PRMT8: variants seen among roughly 807,000 people sequenced by gnomAD.
The protein encoded by PRMT8 is protein arginine N-methyltransferase 8.
PRMT8 carries 7 observed loss-of-function variants against 47.1 expected under a neutral mutation model. The ratio of observed to expected loss-of-function variants is 0.15; its 90% confidence interval spans 0.08 to 0.28. The LOEUF (loss-of-function observed/expected upper bound fraction) is 0.28, where lower values mean the gene tolerates loss of function less well. Ranked by LOEUF, PRMT8 falls within the 10% of genes least tolerant of loss-of-function variation. The probability of loss-of-function intolerance (pLI) is 1.00; values close to 1 mark genes in which losing one functional copy is unlikely to be tolerated. For missense variants in PRMT8, 237 were observed against 505.4 expected (o/e 0.47, Z 5.09); for synonymous variants, 188 against 186.5 (o/e 1.01, Z -0.07).
At chr12:3,470,436 G>A (rs1591559716) in intron 1 of PRMT8, among the ~76,000 whole-genome samples, 1 of 152,162 alleles carries the variant, frequency 6.6e-6, no homozygotes, top group African/African-American at 2.4e-5. Flanking sequence ...AGGGGATGTG[G>A]TGAGGGCTCT....
Position 3,583,165 on chromosome 12 carries a change from T to C in PRMT8, c.936T>C (p.Asn312=). 6.2e-7 allele frequency: 1 copy of C among 1,613,836 alleles called. No homozygotes were observed. The highest frequency in any genetic ancestry group is 8.5e-7 in the Non-Finnish European group (1 of 1,179,862). ...DYVHALVTYF[N]IEFTKCHKKM... is the part of the protein sequence containing the mutation. ...TCCACGCCCTGGTCACCTATTTTAA[T>C]ATTGAATTTACCAAGTGCCACAAGA... Residue 312 remains asparagine, a synonymous_variant, in exon 8 of 10, where the codon AAT becomes AAC. Coordinates refer to ENST00000382622, the MANE Select transcript of PRMT8 (RefSeq NM_019854.5). This position sits in a 1 kb window ranked among gnomAD's most constrained non-coding sequence, Gnocchi z 4.7.
chr12:3,585,612 A>G (rs1867155651), intron 8 of PRMT8, among the ~76,000 whole-genome samples: 1 of 151,632 alleles, frequency 6.6e-6, no homozygotes, highest in South Asian at 2.1e-4. Flanking sequence ...ACCTATGGAA[A>G]GAGAGGGCAA....
upstream of PRMT8, among the ~76,000 whole-genome samples, chr12:3,490,961 C>G (rs1240125435): frequency 6.6e-6 from 1 of 152,062 alleles, no homozygotes; most frequent in African/African-American, 2.4e-5. Context: ...TGAGAACCTG[C>G]AAGAGCCTCG....
Position 3,593,466 on chromosome 12 carries a change from C to A in PRMT8, c.*284C>A. 1 of 416,900 alleles carries A rather than the reference C, an allele frequency of 2.4e-6. No individual in the cohort carries two copies. 25.8% of individuals were successfully genotyped at this position (416,900 alleles called of 1,614,324 possible). A position where few individuals can be genotyped will look rare whatever the true frequency, so the allele number is the denominator to read the frequency against. The stretch of plus-strand genomic sequence containing the variant: ...TGGGCCCCGAGGGTGGAAACGTATT[C>A]GCGTCTCCCCGTCTCCTCCTTAACT... On this transcript the variant is annotated 3_prime_UTR_variant, in exon 10 of 10. Transcript: ENST00000382622. The surrounding 1 kb of genome is among the most constrained non-coding windows in gnomAD (Gnocchi z 4.8).
At chr12:3,431,988 G>T (rs1335419568) in intron 1 of PRMT8, among the ~76,000 whole-genome samples, 1 of 152,228 alleles carries the variant, frequency 6.6e-6, no homozygotes, top group African/African-American at 2.4e-5. Flanking sequence ...AAAGACAGAG[G>T]AGTTTGGAAT....
At chr12:3,397,862 G>T (rs1381450249) in intron 1 of PRMT8, among the ~76,000 whole-genome samples, 1 of 152,212 alleles carries the variant, frequency 6.6e-6, no homozygotes, top group African/African-American at 2.4e-5. Context: ...CAATCAGCGA[G>T]ACTCCATGGG....
At chr12:3,523,824 A>G (rs1865915899) in intron 1 of PRMT8, among the ~76,000 whole-genome samples, 1 of 152,242 alleles carries the variant, frequency 6.6e-6, no homozygotes, top group Non-Finnish European at 1.5e-5. Flanking sequence ...GTCAAGTTCT[A>G]GAGCAATCCC....
Position 3,583,324 on chromosome 12 carries a change from G to A in PRMT8, c.979+116G>A, listed in dbSNP as rs946365694. On this transcript the variant is annotated intron_variant, in intron 8 of 9. Transcript: ENST00000382622. The surrounding 1 kb of genome is among the most constrained non-coding windows in gnomAD (Gnocchi z 4.7). ...AGAAGGGGCTGGGTGTTAGCTGGGT[G>A]ACACCTATCAACCCTCTCCAGCCAT... is the stretch of plus-strand genomic sequence containing the variant. 18 of 1,162,308 alleles carry A rather than the reference G, an allele frequency of 1.5e-5. No homozygotes were observed. The African/African-American group carries it at 2.3e-4, about 15-fold the overall frequency. 72.0% of individuals were successfully genotyped at this position (1,162,308 alleles called of 1,614,324 possible).
chr12:3,549,998 C>T lies in PRMT8; in HGVS notation c.324C>T (p.His108=), dbSNP rs141271099. The change falls in exon 3 of 10, where the codon CAC becomes CAT. Residue 108 remains histidine, a synonymous_variant. Coordinates refer to ENST00000382622, the MANE Select transcript of PRMT8 (RefSeq NM_019854.5). ...GGAACTCCATGTACCACAACAAGCA[C>T]GTGTTCAAGGACAAAGTGGTACTGG... The part of the protein sequence containing the change: ...TYRNSMYHNK[H]VFKDKVVLDV... 5.6e-6 allele frequency: 9 copies of T among 1,614,216 alleles called. No homozygotes were observed. The highest frequency in any genetic ancestry group is 5.3e-5 in the African/African-American group (4 of 75,066).
rs1864941565 is a variant in PRMT8, at chr12:3,453,404, G to T, written c.48+71962G>T. On this transcript the variant is annotated intron_variant, in intron 1 of 9. Transcript: ENST00000452611. The surrounding 1 kb of genome is among the most constrained non-coding windows in gnomAD (Gnocchi z 4.9). ...CTGGGTGTCGCCGTCAGCAGGTGAG[G>T]GAGCGCATGGGGAATGCAGATTCCC... Among the ~76,000 whole-genome samples, 1 of 152,144 alleles carries T rather than the reference G, an allele frequency of 6.6e-6. No individual in the cohort carries two copies. The highest frequency in any genetic ancestry group is 1.5e-5 in the Non-Finnish European group (1 of 68,030).
At chr12:3,551,696 C>G (rs1203456639) in intron 3 of PRMT8, 4 of 152,310 alleles carry the variant, frequency 2.6e-5, no homozygotes, top group Non-Finnish European at 5.9e-5. Context: ...CCACATTTAG[C>G]TGGGCTCCTT....
intron 1 of PRMT8, among the ~76,000 whole-genome samples, chr12:3,403,876 C>CAAAA (rs1315547758): frequency 1.5e-4 from 11 of 75,074 alleles, no homozygotes; most frequent in South Asian, 4.8e-4. Context: ...GACTCTGTCT[C>CAAAA]AAAAAAAAAA....
At chr12:3,438,389 G>A (rs1460551169) in intron 1 of PRMT8, among the ~76,000 whole-genome samples, 1 of 152,212 alleles carries the variant, frequency 6.6e-6, no homozygotes, top group Non-Finnish European at 1.5e-5. Context: ...GGGCACGTGG[G>A]GTCGGGCCGT....
upstream of PRMT8, among the ~76,000 whole-genome samples, chr12:3,489,904 C>G (rs1865361373): frequency 6.6e-6 from 1 of 152,064 alleles, no homozygotes; most frequent in South Asian, 2.1e-4. Context: ...TTCATCCTCT[C>G]CTGTCTCTAT....
chr12:3,485,180 C>G (rs1865310835), intron 1 of PRMT8, among the ~76,000 whole-genome samples: 1 of 152,210 alleles, frequency 6.6e-6, no homozygotes, highest in African/African-American at 2.4e-5. Flanking sequence ...GATCTGTTCT[C>G]TGTAAAGACC....
rs114135041 is a variant in PRMT8 at position 3,507,446 on chromosome 12, C to A, written c.75+15746C>A. On this transcript the variant is annotated intron_variant, in intron 1 of 9. Coordinates refer to ENST00000382622, the MANE Select transcript of PRMT8 (RefSeq NM_019854.5). ...AAGTGGTGGCCTTTCAAGCCTGGGT[C>A]TCCCAGAAAATGAAAGACTATAATT... Among the ~76,000 whole-genome samples the A allele has an allele frequency of 6.4e-3, 975 of 152,214 alleles. 7 individuals are homozygous for A. Among genetic ancestry groups the A allele is most frequent in the African/African-American group, 0.022 (907 of 41,516 alleles).
chr12:3,482,089 A>G (rs1402029826), intron 1 of PRMT8, among the ~76,000 whole-genome samples: 1 of 152,182 alleles, frequency 6.6e-6, no homozygotes, highest in Non-Finnish European at 1.5e-5. Flanking sequence ...AAAGGGCAAG[A>G]TTTGCTCAGA....
chr12:3,515,712 C>T (rs1047097677), intron 1 of PRMT8, among the ~76,000 whole-genome samples: 4 of 152,200 alleles, frequency 2.6e-5, no homozygotes, highest in Admixed American at 2.0e-4. Context: ...GGGGTATTTA[C>T]GGTCTCTGCA....
chr12:3,434,965 G>C (rs1164301563), intron 1 of PRMT8, among the ~76,000 whole-genome samples: 1 of 138,998 alleles, frequency 7.2e-6, no homozygotes, highest in Non-Finnish European at 1.5e-5. Context: ...GCTTTGCTTT[G>C]CTCTTTTTTT....
Sources: allele counts gnomAD v4.1 joint callset (sites outside exome capture counted in the v4.1 genomes callset), GRCh38; gene constraint gnomAD v4.1.1; non-coding constraint Gnocchi (gnomAD v3.1); transcripts MANE v1.5; gene names NCBI Gene and HGNC (gene_info 2026-07-23, HGNC 2026-07-21).